AKT1: variants seen among roughly 807,000 people sequenced by gnomAD.
AKT1 encodes the protein AKT serine/threonine kinase 1, also known as RAC-alpha serine/threonine-protein kinase.
In AKT1, 21 loss-of-function variants were observed where a neutral mutation model predicts 63.1. The observed-to-expected ratio is 0.33, with a 90% CI of 0.24 to 0.48. The LOEUF (loss-of-function observed/expected upper bound fraction) is 0.48. AKT1 is among the 20% of genes least tolerant of loss of function. AKT1 has a pLI of 0.99. For missense variants in AKT1, 382 were observed against 666.0 expected, an observed-to-expected ratio of 0.57 and a Z score of 4.69; for synonymous variants, 257 against 253.1, an observed-to-expected ratio of 1.02 and a Z score of -0.15.
At chr14:104,770,589 G>T (rs1892328563) in intron 14 of AKT1, 156 bp downstream of exon 14, 1 of 914,896 alleles carries the variant, frequency 1.1e-6, no homozygotes, top group Non-Finnish European at 1.6e-6. Flanking sequence ...GGCCCTCAGA[G>T]CACTGCCTCC....
chr14:104,774,011 C>T (rs972202818), intron 8 of AKT1, 31 bp from the exon 9 acceptor site: 2 of 1,602,702 alleles, frequency 1.2e-6, no homozygotes, highest in African/African-American at 2.7e-5. Context: ...AACTGCGGCC[C>T]CACAGGCAGG....
intron 3 of AKT1, among the ~76,000 whole-genome samples, chr14:104,780,804 C>T (rs368431843): frequency 7.9e-5 from 12 of 152,096 alleles, no homozygotes; most frequent in South Asian, 2.1e-4. Context: ...GCCGGGCTCG[C>T]GGGACAGGAC....
intron 4 of AKT1, 198 bp from the exon 5 acceptor site, chr14:104,776,968 C>G (rs1892752495): frequency 3.6e-6 from 2 of 548,474 alleles, no homozygotes; most frequent in African/African-American, 1.9e-5. Flanking sequence ...CTCAGACACT[C>G]TACTCCAGGC....
chr14:104,789,173 C>T (rs1178196347), intron 3 of AKT1, among the ~76,000 whole-genome samples: 2 of 152,214 alleles, frequency 1.3e-5, no homozygotes, highest in African/African-American at 2.4e-5. Context: ...CCCCTGCGGC[C>T]GGCACCCACT....
chr14:104,795,406 C>T lies in AKT1; in HGVS notation c.-258+78G>A, dbSNP rs1279487681. The T allele has an allele frequency of 6.8e-6, 1 of 147,932 alleles. No homozygotes were observed. The highest frequency in any genetic ancestry group is 6.7e-5 in the Admixed American group (1 of 14,926). The allele number at this position is 147,932 out of a possible 1,614,324, so 9.2% of individuals were successfully genotyped here. A position where few individuals can be genotyped will look rare whatever the true frequency, so the allele number is the denominator to read the frequency against. ...CGGCGCCGCGGCTCGCGCCCCGGCC[C>T]GACCGGCCGCGAACAAAGCGGCCCG... is the stretch of plus-strand genomic sequence containing the variant. On this transcript the variant is annotated intron_variant, in intron 1 of 14. Transcript: ENST00000649815. The surrounding 1 kb of genome is among the most constrained non-coding windows in gnomAD (Gnocchi z 5.1).
At chr14:104,780,034 G>C in intron 4 of AKT1, 54 bp downstream of exon 4, 2 of 1,593,708 alleles carry the variant, frequency 1.3e-6, no homozygotes, top group Non-Finnish European at 1.7e-6. Flanking sequence ...TGGGCAAAGA[G>C]GGCTCCAGCC....
chr14:104,774,594 A>G (rs1338864854), intron 8 of AKT1: 5 of 345,510 alleles, frequency 1.4e-5, no homozygotes, highest in African/African-American at 2.1e-5. Flanking sequence ...AGTCCCCAGA[A>G]CAGGTTCTGC....
At chr14:104,772,095 G>A (rs1174591132) in intron 13 of AKT1, 17 of 563,458 alleles carry the variant, frequency 3.0e-5, no homozygotes, top group Non-Finnish European at 4.5e-5. Flanking sequence ...ACACCTCCGA[G>A]GGGAGGAGGA....
At chr14:104,794,265 G>A (rs1216899215) in intron 1 of AKT1, 1 of 152,466 alleles carries the variant, frequency 6.6e-6, no homozygotes, top group Non-Finnish European at 1.5e-5. Flanking sequence ...GCGTGGCCTG[G>A]AGGCAGAGGG....
At chr14:104,776,524 G>A (rs1355144817) in intron 5 of AKT1, 135 bp downstream of exon 5, 3 of 701,944 alleles carry the variant, frequency 4.3e-6, no homozygotes, top group Non-Finnish European at 6.9e-6. Context: ...TCCAAACTGG[G>A]CTCTGAGGAG....
intron 3 of AKT1, among the ~76,000 whole-genome samples, chr14:104,788,535 G>C (rs1893452164): frequency 6.6e-6 from 1 of 152,220 alleles, no homozygotes; most frequent in South Asian, 2.1e-4. Context: ...TACCCTCTGA[G>C]GTCCCCCACC....
chr14:104,793,087 A>C, intron 2 of AKT1, 40 bp downstream of exon 2: 1 of 249,916 alleles, frequency 4.0e-6, no homozygotes, highest in Non-Finnish European at 8.0e-6. Flanking sequence ...CGTTGGACAA[A>C]TCACCCCCAT....
chr14:104,771,459 G>A, intron 13 of AKT1: 1 of 232,296 alleles, frequency 4.3e-6, no homozygotes, highest in Non-Finnish European at 8.5e-6. Context: ...CTGGGCACCA[G>A]CATTGTCCAT....
chr14:104,770,518 A>C (rs1361181652), intron 14 of AKT1, 98 bp from the exon 15 acceptor site: 12 of 1,237,882 alleles, frequency 9.7e-6, no homozygotes, highest in Non-Finnish European at 1.3e-5. Flanking sequence ...AAGCACGGCC[A>C]GCACGCTGCC....
chr14:104,787,174 C>T (rs1893375676), intron 3 of AKT1, among the ~76,000 whole-genome samples: 1 of 152,176 alleles, frequency 6.6e-6, no homozygotes, highest in Non-Finnish European at 1.5e-5. Flanking sequence ...TTTCTGAAAT[C>T]CAAACCTATC....
rs1057518602 is a variant in AKT1, at chr14:104,776,710, T to A, written c.236A>T (p.Gln79Leu). 6.2e-7 allele frequency: 1 copy of A among 1,613,514 alleles called. No individual in the cohort carries two copies. The highest frequency in any genetic ancestry group is 8.5e-7 in the Non-Finnish European group (1 of 1,179,864). Residue 79 changes from glutamine (Q) to leucine (L), a missense_variant, in exon 5 of 15, where the codon CAG becomes CTG. By Grantham distance (113) the Gln-to-Leu change is moderately radical (BLOSUM62 -2). This residue lies in a region of AKT1 where 226 missense variants were observed against 366.4 expected (regional missense o/e 0.62). Coordinates refer to ENST00000649815, the MANE Select transcript of AKT1 (RefSeq NM_001382430.1). The stretch of plus-strand genomic sequence containing the variant: ...GGTGCGTTCGATGACAGTGGTCCAC[T>A]GCAGGCAGCGGATGATGAAGGTGTT... Reference protein sequence around the residue: ...RPNTFIIRCLQWTTVIERTFH... With the variant: ...RPNTFIIRCLLWTTVIERTFH...
At chr14:104,770,674 G>T in intron 14 of AKT1, 71 bp downstream of exon 14, 4 of 1,401,956 alleles carry the variant, frequency 2.9e-6, no homozygotes, top group Non-Finnish European at 4.0e-6. Context: ...AGCCAAAAAA[G>T]CTGAACACTG....
chr14:104,775,214 G>A lies in AKT1; in HGVS notation c.436-7C>T, dbSNP rs767156876. ...ACTCAAACTCGTTCATGGTCTATGG[G>A]CAGGCACCAGGGTCAGCAAGCGGCG... On this transcript the variant is annotated splice_region_variant and splice_polypyrimidine_tract_variant and intron_variant, in intron 6 of 14. Transcript: ENST00000649815. 1.2e-6 allele frequency: 2 copies of A among 1,613,502 alleles called. No individual in the cohort carries two copies. The highest frequency in any genetic ancestry group is 1.7e-6 in the Non-Finnish European group (2 of 1,180,018).
At chr14:104,771,363 T>C (rs1324094959) in intron 13 of AKT1, 1 of 234,292 alleles carries the variant, frequency 4.3e-6, no homozygotes, top group East Asian at 6.1e-5. Context: ...TATAAGGTGA[T>C]GTGCACACGT....
Sources: allele counts gnomAD v4.1 joint callset (sites outside exome capture counted in the v4.1 genomes callset), GRCh38; gene constraint gnomAD v4.1.1; regional missense constraint gnomAD v4.1.1; non-coding constraint Gnocchi (gnomAD v3.1); transcripts MANE v1.5; gene names NCBI Gene and HGNC (gene_info 2026-07-23, HGNC 2026-07-21).